Variants in GRIK4 observed in about 807,000 individuals in gnomAD.
GRIK4 encodes the protein glutamate receptor ionotropic, kainate 4.
GRIK4 carries 40 observed loss-of-function variants against 104.9 expected under a neutral mutation model. That is an observed-to-expected ratio of 0.38 (90% confidence interval 0.30 to 0.50). The LOEUF is 0.50. Ranked by LOEUF, GRIK4 falls within the 20% of genes least tolerant of loss-of-function variation. GRIK4 has a pLI of 0.93. For missense variants in GRIK4, 1,047 were observed against 1,308.1 expected, an observed-to-expected ratio of 0.80 and a Z score of 3.08; for synonymous variants, 485 against 524.9, an observed-to-expected ratio of 0.92 and a Z score of 1.04.
At chr11:120,692,824 T>G (rs566752653) in intron 3 of GRIK4, among the ~76,000 whole-genome samples, 1 of 152,232 alleles carries the variant, frequency 6.6e-6, no homozygotes, top group Admixed American at 6.5e-5. Context: ...CTCTGCCTCC[T>G]GGGTTCAAGC....
In GRIK4 at chr11:120,898,659, C is replaced by T. The variant is rs772258201; in HGVS notation, c.1272+20C>T. ...ATCCTGGTAAGTGGGCTCTCCTAGG[C>T]TCCCAGCTGCAGCATCCTGGGGTGC... On this transcript the variant is annotated intron_variant, in intron 12 of 20. Transcript: ENST00000527524. The T allele has an allele frequency of 7.2e-7, 1 of 1,397,320 alleles. No homozygotes were observed. The highest frequency in any genetic ancestry group is 1.2e-5 in the South Asian group (1 of 86,628). 86.6% of individuals were successfully genotyped at this position (1,397,320 alleles called of 1,614,324 possible).
rs201917759 is a variant in GRIK4, at chr11:120,795,999, TTATTG to T, written c.83-6687_83-6683del. 7.9e-3 allele frequency among the ~76,000 whole-genome samples: 1,203 copies of T among 151,988 alleles called. 11 individuals carry two copies. Among genetic ancestry groups the T allele is most frequent in the African/African-American group, 0.026 (1,094 of 41,404 alleles). ...TGTATTTTTGTTGGTGTTATTTTTA[TTATTG>T]TATTGTTATTTTTTGGTTTTTTTTT... is the stretch of plus-strand genomic sequence containing the variant. On this transcript the variant is annotated intron_variant, in intron 3 of 20. Coordinates refer to ENST00000527524, the MANE Select transcript of GRIK4 (RefSeq NM_014619.5).
At chr11:120,891,063 G>C (rs1955275432) in intron 11 of GRIK4, among the ~76,000 whole-genome samples, 1 of 152,236 alleles carries the variant, frequency 6.6e-6, no homozygotes, top group South Asian at 2.1e-4. Context: ...ACTTGAGAGG[G>C]AACAAAGTGG....
At chr11:120,558,924 T>A (rs1178437704) in intron 1 of GRIK4, among the ~76,000 whole-genome samples, 1 of 152,228 alleles carries the variant, frequency 6.6e-6, no homozygotes, top group Non-Finnish European at 1.5e-5. Flanking sequence ...CCCAGACTGC[T>A]GAGATCCTTG....
chr11:120,761,452 A>C (rs922214842), intron 3 of GRIK4, among the ~76,000 whole-genome samples: 6 of 152,152 alleles, frequency 3.9e-5, no homozygotes, highest in African/African-American at 1.4e-4. Flanking sequence ...CTTTAGTTTA[A>C]TTAGATCCCA....
At position 120,956,962 on chromosome 11, in the gene GRIK4, C is replaced by T. The variant is rs1305002337; in HGVS notation, c.1874+9C>T. The T allele has an allele frequency of 3.1e-6, 5 of 1,588,130 alleles. No homozygotes were observed. Among genetic ancestry groups the T allele is most frequent in the Non-Finnish European group, 4.3e-6 (5 of 1,166,318 alleles). Reference sequence around the variant, plus strand: ...TGTGTCAGTGGCGTCTGGTAAGGCCCCAGGCAGAGGTGAACCAGGCCAGGT... The same window carrying T: ...TGTGTCAGTGGCGTCTGGTAAGGCCTCAGGCAGAGGTGAACCAGGCCAGGT... On this transcript the variant is annotated intron_variant, in intron 16 of 20. Transcript: ENST00000527524. This position sits in a 1 kb window ranked among gnomAD's most constrained non-coding sequence, Gnocchi z 4.6.
Position 120,905,087 on chromosome 11 carries a change from A to G in GRIK4, c.1273-203A>G, listed in dbSNP as rs1375182792. Among the ~76,000 whole-genome samples, 1 of 152,190 alleles carries G rather than the reference A, an allele frequency of 6.6e-6. No individual in the cohort carries two copies. The highest frequency in any genetic ancestry group is 1.5e-5 in the Non-Finnish European group (1 of 68,038). On this transcript the variant is annotated intron_variant, in intron 12 of 20. Coordinates refer to ENST00000527524, the MANE Select transcript of GRIK4 (RefSeq NM_014619.5). This position sits in a 1 kb window ranked among gnomAD's most constrained non-coding sequence, Gnocchi z 5.1. ...TGGGAACCACTGTGTGTTCCTGACA[A>G]CAGAAGCACCTTGAAGGACAGCTTT...
intron 1 of GRIK4, among the ~76,000 whole-genome samples, chr11:120,621,845 A>T (rs761234960): frequency 6.6e-6 from 1 of 152,036 alleles, no homozygotes; most frequent in Non-Finnish European, 1.5e-5. Flanking sequence ...TAACATGGGT[A>T]TGGGGTATAG....
intron 3 of GRIK4, among the ~76,000 whole-genome samples, chr11:120,677,842 G>C (rs1453329016): frequency 6.6e-6 from 1 of 152,212 alleles, no homozygotes; most frequent in Non-Finnish European, 1.5e-5. Context: ...TACATCACAG[G>C]AGAGGGGATG....
chr11:120,648,049 C>T (rs558344176), intron 1 of GRIK4, among the ~76,000 whole-genome samples: 3 of 152,302 alleles, frequency 2.0e-5, no homozygotes, highest in South Asian at 2.1e-4. Context: ...GCTGGGTTCT[C>T]GGGTGTATGT....
rs957449325 is a variant in GRIK4, at chr11:120,986,074, A to G, written c.2685A>G (p.Ala895=). ...ATLSNGKLCG[A]GEPDQLAQRL... ...TCAGCAACGGGAAGCTGTGCGGGGC[A>G]GGGGAGCCCGACCAGCTCGCGCAGA... The change falls in exon 21 of 21, where the codon GCA becomes GCG. Residue 895 remains alanine (A), a synonymous_variant. Coordinates refer to ENST00000527524, the MANE Select transcript of GRIK4 (RefSeq NM_014619.5). 1.3e-6 allele frequency: 2 copies of G among 1,515,084 alleles called. No individual in the cohort carries two copies. Among genetic ancestry groups the G allele is most frequent in the Non-Finnish European group, 8.8e-7 (1 of 1,136,482 alleles). 93.9% of individuals were successfully genotyped at this position (1,515,084 alleles called of 1,614,324 possible). A position where few individuals can be genotyped will look rare whatever the true frequency, so the allele number is the denominator to read the frequency against.
intron 1 of GRIK4, among the ~76,000 whole-genome samples, chr11:120,590,229 C>G (rs1023302107): frequency 1.3e-5 from 2 of 152,220 alleles, no homozygotes; most frequent in Non-Finnish European, 2.9e-5. Flanking sequence ...CTGCCTTCAC[C>G]TTGACCTTAC....
At chr11:120,711,002 A>G (rs76282176) in intron 3 of GRIK4, among the ~76,000 whole-genome samples, 22,245 of 129,908 alleles carry the variant, frequency 0.17, 3,919 homozygotes, top group African/African-American at 0.39. Flanking sequence ...TGAGGTGGGG[A>G]GGGGGTGTGA....
rs764769022 is a variant in GRIK4, at chr11:120,876,329, CA to C, written c.1164+1087del. ...ACCACAAAACCACTACCACCATTAT[CA>C]CTACCACCACTATCACCACCACCAC... On this transcript the variant is annotated intron_variant, in intron 11 of 20. Coordinates refer to ENST00000527524, the MANE Select transcript of GRIK4 (RefSeq NM_014619.5). Among the ~76,000 whole-genome samples the C allele has an allele frequency of 6.8e-5, 10 of 146,270 alleles. No individual in the cohort carries two copies. The East Asian group carries it at 1.9e-3, about 27-fold the overall frequency.
chr11:120,878,016 G>A (rs962006115), intron 11 of GRIK4, among the ~76,000 whole-genome samples: 5 of 152,156 alleles, frequency 3.3e-5, no homozygotes, highest in Admixed American at 6.5e-5. Context: ...TCCAGCAGCC[G>A]CTGCTCAGGC....
intron 13 of GRIK4, among the ~76,000 whole-genome samples, chr11:120,934,077 C>T (rs1301922474): frequency 3.3e-5 from 5 of 151,854 alleles, no homozygotes; most frequent in South Asian, 2.1e-4. Flanking sequence ...TGGTGGCGGG[C>T]GCCTGTAGTC....
intron 3 of GRIK4, among the ~76,000 whole-genome samples, chr11:120,673,014 G>A (rs926622234): frequency 4.6e-5 from 7 of 152,196 alleles, no homozygotes; most frequent in African/African-American, 9.6e-5. Flanking sequence ...AGTTTTCAAA[G>A]GGTATGCTCC....
intron 11 of GRIK4, 142 bp from the exon 12 acceptor site, chr11:120,898,390 T>G: frequency 2.0e-6 from 1 of 507,166 alleles, no homozygotes; most frequent in Non-Finnish European, 3.7e-6. Context: ...CAGTCTCCCT[T>G]CTGCAGTTCA....
At chr11:120,941,633 C>T (rs574221120) in intron 14 of GRIK4, among the ~76,000 whole-genome samples, 2 of 152,226 alleles carry the variant, frequency 1.3e-5, no homozygotes, top group African/African-American at 2.4e-5. Flanking sequence ...CAATGTCTGA[C>T]GTCCTTATAA....
Sources: gnomAD v4.1 joint callset for allele counts (sites outside exome capture counted in the v4.1 genomes callset) on GRCh38, gnomAD v4.1.1 for gene constraint, Gnocchi (gnomAD v3.1) non-coding constraint, MANE v1.5 for transcripts, NCBI Gene and HGNC (gene_info 2026-07-23, HGNC 2026-07-21) for gene names.